Variants in CAMTA1 observed in about 807,000 individuals in gnomAD.
The protein encoded by CAMTA1 is calmodulin-binding transcription activator 1.
CAMTA1 carries 27 observed loss-of-function variants against 170.9 expected under a neutral mutation model. The ratio of observed to expected loss-of-function variants is 0.16; its 90% confidence interval spans 0.12 to 0.22. The LOEUF is 0.22. CAMTA1 is among the 10% of genes least tolerant of loss of function. The pLI is 1.00. For missense variants in CAMTA1, 1,619 were observed against 2,217.2 expected (o/e 0.73, Z 5.42); for synonymous variants, 833 against 891.5 (o/e 0.93, Z 1.17).
At chr1:6,819,104 C>T (rs1646181434) in intron 1 of CAMTA1, among the ~76,000 whole-genome samples, 1 of 152,104 alleles carries the variant, frequency 6.6e-6, no homozygotes. Context: ...CAGGCACAAG[C>T]CACCATGCCT....
At chr1:7,397,911 A>G (rs1350854074) in intron 5 of CAMTA1, among the ~76,000 whole-genome samples, 4 of 151,918 alleles carry the variant, frequency 2.6e-5, no homozygotes, top group Non-Finnish European at 5.9e-5. Context: ...CATATGGCCT[A>G]TCTTGGAGAA....
intron 3 of CAMTA1, among the ~76,000 whole-genome samples, chr1:7,037,150 A>G (rs1703718199): frequency 6.6e-6 from 1 of 152,238 alleles, no homozygotes; most frequent in African/African-American, 2.4e-5. Context: ...GAGAGACGAT[A>G]CACTTGCTCA....
At position 6,918,070 on chromosome 1, in the gene CAMTA1, T is replaced by G. The variant is rs1461756404; in HGVS notation, c.234+92860T>G. On this transcript the variant is annotated intron_variant, in intron 3 of 22. Transcript: ENST00000303635. The surrounding 1 kb of genome is among the most constrained non-coding windows in gnomAD (Gnocchi z 4.0). Reference sequence around the variant, plus strand: ...CCCAAATGCCCAAGTTCTTGGGCCTTGCTTGCTTGTCTCTAACTTTCCTTC... The same window carrying G: ...CCCAAATGCCCAAGTTCTTGGGCCTGGCTTGCTTGTCTCTAACTTTCCTTC... Among the ~76,000 whole-genome samples the G allele has an allele frequency of 6.6e-6, 1 of 152,158 alleles. No individual in the cohort carries two copies. The highest frequency in any genetic ancestry group is 1.5e-5 in the Non-Finnish European group (1 of 68,026).
rs2097029901 is a variant in CAMTA1, at chr1:7,767,348, T to G, written c.*857T>G. On this transcript the variant is annotated 3_prime_UTR_variant, in exon 23 of 23. Transcript: ENST00000303635. ...GAATTACTTAAGAATTGGTAACGCA[T>G]GTAGCCTTTTTTAGTAACCTTGGAA... 3.3e-5 allele frequency: 5 copies of G among 152,786 alleles called. 1 individual carries two copies. The highest frequency in any genetic ancestry group is 1.2e-4 in the African/African-American group (5 of 41,446). 9.5% of individuals were successfully genotyped at this position (152,786 alleles called of 1,614,324 possible).
chr1:7,153,002 A>C (rs1646664475), intron 4 of CAMTA1, among the ~76,000 whole-genome samples: 1 of 152,234 alleles, frequency 6.6e-6, no homozygotes, highest in Non-Finnish European at 1.5e-5. Context: ...AAATCTGCAT[A>C]CTGCATCAGC....
intron 3 of CAMTA1, among the ~76,000 whole-genome samples, chr1:6,986,421 G>A (rs919190835): frequency 3.3e-5 from 5 of 152,178 alleles, no homozygotes; most frequent in Non-Finnish European, 5.9e-5. Flanking sequence ...GGGGAAGTGG[G>A]CTTTGCCGTC....
rs550725275 is a variant in CAMTA1, at chr1:6,833,339, C to T, written c.234+8129C>T. ...AATAAATATTTGTTGGATGAATTAA[C>T]GTAAAAACACAAAAAACTCAGTATA... On this transcript the variant is annotated intron_variant, in intron 3 of 22. Transcript: ENST00000303635. Among the ~76,000 whole-genome samples the T allele has an allele frequency of 8.5e-5, 13 of 152,146 alleles. No homozygotes were observed. In the South Asian group the frequency reaches 1.5e-3, roughly 17 times the overall value.
intron 3 of CAMTA1, among the ~76,000 whole-genome samples, chr1:6,841,567 T>A (rs1442285023): frequency 6.6e-6 from 1 of 152,120 alleles, no homozygotes; most frequent in Non-Finnish European, 1.5e-5. Flanking sequence ...TCTTAATGGT[T>A]CTTGGTGGCA....
At chr1:7,683,942 C>T (rs2096236095) in intron 11 of CAMTA1, among the ~76,000 whole-genome samples, 3 of 152,196 alleles carry the variant, frequency 2.0e-5, no homozygotes, top group Admixed American at 1.3e-4. Context: ...CAGCTGTGCT[C>T]CTCAGCCAGG....
intron 5 of CAMTA1, among the ~76,000 whole-genome samples, chr1:7,288,027 C>A (rs1014172244): frequency 2.0e-5 from 3 of 152,228 alleles, no homozygotes; most frequent in African/African-American, 7.2e-5. Flanking sequence ...TAGTTAGTTT[C>A]TGCATGTGTG....
intron 5 of CAMTA1, among the ~76,000 whole-genome samples, chr1:7,287,005 A>T (rs970026185): frequency 1.3e-5 from 2 of 152,206 alleles, no homozygotes; most frequent in Non-Finnish European, 2.9e-5. Context: ...TCACTCTGAG[A>T]CTTACTCCAT....
At chr1:7,046,668 A>C (rs1036649962) in intron 3 of CAMTA1, among the ~76,000 whole-genome samples, 1 of 152,178 alleles carries the variant, frequency 6.6e-6, no homozygotes, top group Non-Finnish European at 1.5e-5. Context: ...GGAGAAAGTG[A>C]CTAACTCCAC....
At chr1:7,611,435 G>C (rs1254861472) in intron 6 of CAMTA1, among the ~76,000 whole-genome samples, 2 of 152,226 alleles carry the variant, frequency 1.3e-5, no homozygotes, top group Non-Finnish European at 2.9e-5. Flanking sequence ...CAAAGTATCT[G>C]AGTCCAGGAG....
intron 3 of CAMTA1, among the ~76,000 whole-genome samples, chr1:6,904,534 C>CT (rs892223434): frequency 1.7e-4 from 26 of 149,624 alleles, no homozygotes; most frequent in African/African-American, 5.1e-4. Flanking sequence ...AACTTTAAGC[C>CT]TTTTTTTTTC....
At chr1:7,615,836 A>T (rs1576414691) in intron 6 of CAMTA1, among the ~76,000 whole-genome samples, 1 of 152,128 alleles carries the variant, frequency 6.6e-6, no homozygotes, top group African/African-American at 2.4e-5. Flanking sequence ...CCATGGAGTG[A>T]CCTTAAGCCA....
chr1:7,514,748 C>A (rs1174981080), intron 6 of CAMTA1, among the ~76,000 whole-genome samples: 2 of 152,148 alleles, frequency 1.3e-5, no homozygotes, highest in East Asian at 3.9e-4. Flanking sequence ...TCCCACTGGG[C>A]AGCCTGGTCC....
chr1:7,655,555 TAC>T (rs1427064806), intron 7 of CAMTA1, among the ~76,000 whole-genome samples: 33 of 141,926 alleles, frequency 2.3e-4, no homozygotes, highest in African/African-American at 5.1e-4. Flanking sequence ...TGCACACCTA[TAC>T]ACACAAACAC....
intron 6 of CAMTA1, among the ~76,000 whole-genome samples, chr1:7,499,112 TAG>T (rs1284771895): frequency 9.8e-4 from 84 of 86,116 alleles, no homozygotes; most frequent in African/African-American, 3.6e-3. Flanking sequence ...AGTGAGTGTG[TAG>T]AGAGGATGGT....
intron 3 of CAMTA1, among the ~76,000 whole-genome samples, chr1:6,848,442 T>A (rs571770681): frequency 5.1e-4 from 78 of 152,338 alleles, no homozygotes; most frequent in Non-Finnish European, 8.4e-4. Context: ...AGCTACTGCA[T>A]CTGGCCTTTT....
Sources: gnomAD v4.1 joint callset for allele counts (sites outside exome capture counted in the v4.1 genomes callset) on GRCh38, gnomAD v4.1.1 for gene constraint, Gnocchi (gnomAD v3.1) non-coding constraint, MANE v1.5 for transcripts, NCBI Gene and HGNC (gene_info 2026-07-23, HGNC 2026-07-21) for gene names.